Variants in EYA4 observed in about 807,000 individuals in gnomAD.
The protein encoded by EYA4 is protein phosphatase EYA4.
Under a neutral mutation model 87.9 loss-of-function variants are expected in EYA4, and 31 were observed. The ratio of observed to expected loss-of-function variants is 0.35; its 90% CI spans 0.27 to 0.48. EYA4 has a LOEUF of 0.48. Among genes scored for constraint, EYA4 ranks in the 20% least tolerant of loss-of-function variants. The pLI is 0.99. For synonymous variants in EYA4, 263 were observed against 270.6 expected (o/e 0.97, Z 0.28); for missense variants, 678 against 761.4 (o/e 0.89, Z 1.29).
rs140065463 is a variant in EYA4 at position 133,388,626 on chromosome 6, G to C, written c.83+6185G>C. Among the ~76,000 whole-genome samples, 23 of 152,174 alleles carry C rather than the reference G, an allele frequency of 1.5e-4. No individual in the cohort carries two copies. The East Asian group carries it at 3.7e-3, about 24-fold the overall frequency. ...TAAGATTAAATGAATGGGCAAATGA[G>C]AATAATATAGTACATGTCCCTTCTC... is the stretch of plus-strand genomic sequence containing the variant. On this transcript the variant is annotated intron_variant, in intron 3 of 19. Transcript: ENST00000355286.
intron 5 of EYA4, chr6:133,453,753 C>T (rs1299703946): frequency 1.3e-5 from 2 of 151,984 alleles, no homozygotes; most frequent in Non-Finnish European, 2.9e-5. Flanking sequence ...GTACCACTTC[C>T]CCTCAAATGT....
At chr6:133,349,376 G>A (rs1783458954) in intron 2 of EYA4, among the ~76,000 whole-genome samples, 1 of 152,038 alleles carries the variant, frequency 6.6e-6, no homozygotes, top group African/African-American at 2.4e-5. Flanking sequence ...TGTTATGAGG[G>A]TATAGATTTT....
intron 2 of EYA4, among the ~76,000 whole-genome samples, chr6:133,370,099 A>AG (rs1785154505): frequency 6.6e-6 from 1 of 152,200 alleles, no homozygotes; most frequent in African/African-American, 2.4e-5. Context: ...GGTGCTTTTA[A>AG]GGCTACCTGG....
At chr6:133,385,965 C>A (rs913900431) in intron 3 of EYA4, among the ~76,000 whole-genome samples, 1 of 152,092 alleles carries the variant, frequency 6.6e-6, no homozygotes, top group African/African-American at 2.4e-5. Flanking sequence ...TCCCTGTTTC[C>A]TAAAGCTACT....
intron 3 of EYA4, among the ~76,000 whole-genome samples, chr6:133,396,020 C>A (rs908721758): frequency 1.3e-5 from 2 of 152,174 alleles, no homozygotes; most frequent in African/African-American, 4.8e-5. Flanking sequence ...TCTCCCCCTT[C>A]TTTTCTCCCT....
At chr6:133,378,839 A>G (rs1348360435) in intron 2 of EYA4, among the ~76,000 whole-genome samples, 1 of 150,732 alleles carries the variant, frequency 6.6e-6, no homozygotes, top group Non-Finnish European at 1.5e-5. Flanking sequence ...TATTTTTATA[A>G]TTTCTCTGAA....
chr6:133,275,858 T>TA (rs1400234817), intron 2 of EYA4, among the ~76,000 whole-genome samples: 5 of 152,178 alleles, frequency 3.3e-5, no homozygotes, highest in Non-Finnish European at 5.9e-5. Context: ...CATGGCATCA[T>TA]AGGAAAAATG....
intron 13 of EYA4, among the ~76,000 whole-genome samples, chr6:133,494,107 A>G (rs1797421411): frequency 6.6e-6 from 1 of 152,204 alleles, no homozygotes; most frequent in African/African-American, 2.4e-5. Flanking sequence ...CAGTATATCA[A>G]AGAGGTATTT....
intron 2 of EYA4, among the ~76,000 whole-genome samples, chr6:133,297,011 C>T (rs1348567913): frequency 6.6e-6 from 1 of 152,168 alleles, no homozygotes; most frequent in Non-Finnish European, 1.5e-5. Context: ...AATTATGATA[C>T]TGGATGCATG....
At chr6:133,423,012 G>A (rs910056131) in intron 3 of EYA4, among the ~76,000 whole-genome samples, 1 of 152,140 alleles carries the variant, frequency 6.6e-6, no homozygotes, top group Non-Finnish European at 1.5e-5. Context: ...TTTTCAGATG[G>A]CACTTCTCAT....
chr6:133,332,898 G>A (rs927941701), intron 2 of EYA4, among the ~76,000 whole-genome samples: 1 of 151,890 alleles, frequency 6.6e-6, no homozygotes, highest in Middle Eastern at 3.2e-3. Flanking sequence ...AGTCAGTTCA[G>A]TTTCTGCTGC....
chr6:133,293,922 A>G (rs115762406), intron 2 of EYA4, among the ~76,000 whole-genome samples: 2,281 of 149,880 alleles, frequency 0.015, 56 homozygotes, highest in African/African-American at 0.052. Context: ...ACTGCACTCC[A>G]TCCTCGGAGA....
intron 19 of EYA4, among the ~76,000 whole-genome samples, chr6:133,527,032 G>T (rs1383756822): frequency 1.3e-5 from 2 of 152,182 alleles, no homozygotes; most frequent in Non-Finnish European, 2.9e-5. Flanking sequence ...TTTACCAGTT[G>T]TTATACCTAA....
At chr6:133,481,853 G>C (rs1264713499) in intron 12 of EYA4, among the ~76,000 whole-genome samples, 4 of 152,242 alleles carry the variant, frequency 2.6e-5, no homozygotes. Flanking sequence ...ATAATTGCAA[G>C]TTTTGATCTA....
chr6:133,263,297 C>A (rs1472993703), intron 1 of EYA4, among the ~76,000 whole-genome samples: 1 of 152,134 alleles, frequency 6.6e-6, no homozygotes, highest in Non-Finnish European at 1.5e-5. Flanking sequence ...AAGAATTGGA[C>A]AACTAAGCAA....
chr6:133,393,491 A>G (rs1334478127), intron 3 of EYA4, among the ~76,000 whole-genome samples: 2 of 152,090 alleles, frequency 1.3e-5, no homozygotes, highest in Non-Finnish European at 2.9e-5. Context: ...TATTTTAGCA[A>G]ACTTGAAGGA....
At chr6:133,383,665 G>A (rs1478770183) in intron 3 of EYA4, among the ~76,000 whole-genome samples, 1 of 151,182 alleles carries the variant, frequency 6.6e-6, no homozygotes, top group Non-Finnish European at 1.5e-5. Flanking sequence ...ATTGATTCCT[G>A]TGCATATTAT....
chr6:133,414,686 A>G (rs1252005736), intron 3 of EYA4, among the ~76,000 whole-genome samples: 1 of 152,224 alleles, frequency 6.6e-6, no homozygotes. Flanking sequence ...AGGGCTCACC[A>G]GATTTGTTTT....
At chr6:133,410,633 T>TTTTTTTTTTTTTTTTTTTTTTTGAGAC (rs1554252061) in intron 3 of EYA4, among the ~76,000 whole-genome samples, 1 of 148,722 alleles carries the variant, frequency 6.7e-6, no homozygotes. Flanking sequence ...ACTAAGGTCT[T>TTTTTTTTTTTTTTTTTTTTTTTGAGAC]AATTCCTTCT....
Sources: allele counts gnomAD v4.1 joint callset (sites outside exome capture counted in the v4.1 genomes callset), GRCh38; gene constraint gnomAD v4.1.1; transcripts MANE v1.5; gene names NCBI Gene and HGNC (gene_info 2026-07-23, HGNC 2026-07-21).